The following PHF21A variants were observed in gnomAD, a reference collection of about 807,000 sequenced individuals.
The protein encoded by PHF21A is PHD finger protein 21A.
In PHF21A, 11 loss-of-function variants were observed where a neutral mutation model predicts 82.5. The ratio of observed to expected loss-of-function variants is 0.13; its 90% confidence interval spans 0.08 to 0.22. The LOEUF is 0.22. Among genes scored for constraint, PHF21A ranks in the 10% least tolerant of loss-of-function variants. PHF21A has a pLI of 1.00. For synonymous variants in PHF21A, 297 were observed against 302.8 expected (o/e 0.98, Z 0.20); for missense variants, 579 against 837.8 (o/e 0.69, Z 3.81).
Position 46,076,224 on chromosome 11 carries a change from A to G in PHF21A, c.153+530T>C, listed in dbSNP as rs140445879. Among the ~76,000 whole-genome samples, 23 of 152,360 alleles carry G rather than the reference A, an allele frequency of 1.5e-4. 1 individual carries two copies. The East Asian group carries it at 4.2e-3, about 28-fold the overall frequency. Reference sequence around the variant, plus strand: ...AAGATGTTCTTCTCCTGCCCTATATAGAATAAGTCTAATAACATTTCACCG... The same window carrying G: ...AAGATGTTCTTCTCCTGCCCTATATGGAATAAGTCTAATAACATTTCACCG... On this transcript the variant is annotated intron_variant, in intron 6 of 18. Coordinates refer to ENST00000676320, the MANE Select transcript of PHF21A (RefSeq NM_001352027.3).
At chr11:46,060,887 TG>T (rs1371054051) in intron 6 of PHF21A, among the ~76,000 whole-genome samples, 1 of 152,272 alleles carries the variant, frequency 6.6e-6, no homozygotes, top group East Asian at 1.9e-4. Context: ...TCTGTGCCCA[TG>T]CTTATGTCCT....
At chr11:46,099,670 C>T (rs2097064109) in intron 1 of PHF21A, among the ~76,000 whole-genome samples, 1 of 151,868 alleles carries the variant, frequency 6.6e-6, no homozygotes, top group African/African-American at 2.4e-5. Flanking sequence ...TAGGCCTTAC[C>T]GAAGAAGTGA....
intron 6 of PHF21A, among the ~76,000 whole-genome samples, chr11:46,013,916 G>A (rs1417741675): frequency 2.6e-5 from 4 of 152,146 alleles, no homozygotes; most frequent in African/African-American, 4.8e-5. Context: ...GTTAGTAAAT[G>A]TGAAAGCCTA....
intron 11 of PHF21A, among the ~76,000 whole-genome samples, chr11:45,950,863 T>C (rs2092012773): frequency 6.6e-6 from 1 of 152,196 alleles, no homozygotes; most frequent in African/African-American, 2.4e-5. Context: ...ACTAGGTCAG[T>C]TTCTCACATT....
chr11:46,011,596 C>T (rs1311845349), intron 6 of PHF21A, among the ~76,000 whole-genome samples: 1 of 152,176 alleles, frequency 6.6e-6, no homozygotes, highest in Non-Finnish European at 1.5e-5. Context: ...ACATGTCCCA[C>T]TTGGTGGTAC....
At chr11:46,015,491 TC>T (rs2095498820) in intron 6 of PHF21A, among the ~76,000 whole-genome samples, 1 of 152,146 alleles carries the variant, frequency 6.6e-6, no homozygotes, top group Non-Finnish European at 1.5e-5. Flanking sequence ...AAAATTTATT[TC>T]TTCAATAATA....
At chr11:46,071,763 C>T (rs1214129100) in intron 6 of PHF21A, among the ~76,000 whole-genome samples, 1 of 150,974 alleles carries the variant, frequency 6.6e-6, no homozygotes, top group Middle Eastern at 3.2e-3. Context: ...ACCCTATCAT[C>T]AAGAGAAGAA....
chr11:46,072,654 G>A (rs574719468), intron 6 of PHF21A, among the ~76,000 whole-genome samples: 45 of 152,338 alleles, frequency 3.0e-4, no homozygotes, highest in African/African-American at 1.1e-3. Flanking sequence ...ATGGTTCAAT[G>A]TGAGATAATA....
At position 45,929,569 on chromosome 11, in the gene PHF21A, C is replaced by T. The variant is rs1434652344; in HGVS notation, c.*4399G>A. ...TGGCTGACCTCTGGCCTGCCCGTCC[C>T]ATCCCGCCTGACTGCAGCTCACCCT... is the stretch of plus-strand genomic sequence containing the variant. On this transcript the variant is annotated 3_prime_UTR_variant, in exon 19 of 19. Coordinates refer to ENST00000676320, the MANE Select transcript of PHF21A (RefSeq NM_001352027.3). The T allele has an allele frequency of 6.5e-6, 1 of 152,848 alleles. No homozygotes were observed. Among genetic ancestry groups the T allele is most frequent in the Non-Finnish European group, 1.5e-5 (1 of 68,628 alleles). The allele number at this position is 152,848 out of a possible 1,614,324, so 9.5% of individuals were successfully genotyped here. A position where few individuals can be genotyped will look rare whatever the true frequency, so the allele number is the denominator to read the frequency against.
At position 45,930,662 on chromosome 11, in the gene PHF21A, G is replaced by A. The variant is rs1030106508; in HGVS notation, c.*3306C>T. ...GACAGGAGCTGGCAGGGGACTCCCA[G>A]TCATCACTGCCACCAGGGCGCAGCG... On this transcript the variant is annotated 3_prime_UTR_variant, in exon 19 of 19. Coordinates refer to ENST00000676320, the MANE Select transcript of PHF21A (RefSeq NM_001352027.3). 1 of 152,414 alleles carries A rather than the reference G, an allele frequency of 6.6e-6. No individual in the cohort carries two copies. The highest frequency in any genetic ancestry group is 1.5e-5 in the Non-Finnish European group (1 of 68,182). 9.4% of individuals were successfully genotyped at this position (152,414 alleles called of 1,614,324 possible).
chr11:46,093,649 G>C (rs937201289), intron 1 of PHF21A, among the ~76,000 whole-genome samples: 1 of 152,098 alleles, frequency 6.6e-6, no homozygotes, highest in Non-Finnish European at 1.5e-5. Flanking sequence ...ATATCTACAG[G>C]ACTCTGTGCC....
intron 6 of PHF21A, among the ~76,000 whole-genome samples, chr11:45,980,927 G>C (rs750041794): frequency 6.6e-6 from 1 of 152,142 alleles, no homozygotes; most frequent in African/African-American, 2.4e-5. Context: ...ATTTAACTGC[G>C]TGGAGTGAAA....
intron 6 of PHF21A, among the ~76,000 whole-genome samples, chr11:46,007,626 TTA>T: frequency 6.6e-6 from 1 of 152,188 alleles, no homozygotes; most frequent in Non-Finnish European, 1.5e-5. Flanking sequence ...CATCTATCTT[TTA>T]TGATAGTTTT....
At chr11:45,974,418 A>AATT (rs59807950) in intron 7 of PHF21A, among the ~76,000 whole-genome samples, 9,550 of 147,254 alleles carry the variant, frequency 0.065, 369 homozygotes, top group Middle Eastern at 0.12. Context: ...TCAAACGACA[A>AATT]ATTATTATTA....
intron 1 of PHF21A, among the ~76,000 whole-genome samples, chr11:46,102,584 T>C (rs1031719272): frequency 6.6e-6 from 1 of 152,244 alleles, no homozygotes; most frequent in Non-Finnish European, 1.5e-5. Context: ...GAGAGCAGTC[T>C]AATAAATTAA....
At chr11:46,114,807 T>C (rs2097267956) in intron 1 of PHF21A, among the ~76,000 whole-genome samples, 1 of 152,128 alleles carries the variant, frequency 6.6e-6, no homozygotes, top group South Asian at 2.1e-4. Context: ...AGAAAAAAAA[T>C]CAATTCCTTT....
rs1452859819 is a variant in PHF21A, at chr11:45,971,905, T to TTTTTTTTTTTTA, written c.361-539_361-538insTAAAAAAAAAAA. On this transcript the variant is annotated intron_variant, in intron 7 of 18. Coordinates refer to ENST00000676320, the MANE Select transcript of PHF21A (RefSeq NM_001352027.3). ...CTTTTTCTTTCTTTTTTTTTTTTTT[T>TTTTTTTTTTTTA]ATGGTGTCACCCTGGAGAGAAGGAA... Among the ~76,000 whole-genome samples, 31 of 89,952 alleles carry TTTTTTTTTTTTA rather than the reference T, an allele frequency of 3.4e-4. 2 individuals are homozygous for TTTTTTTTTTTTA. Among genetic ancestry groups the TTTTTTTTTTTTA allele is most frequent in the East Asian group, 1.5e-3 (2 of 1,338 alleles). 59.0% of individuals were successfully genotyped at this position (89,952 alleles called of 152,430 possible).
intron 15 of PHF21A, among the ~76,000 whole-genome samples, chr11:45,944,908 A>T (rs2091055806): frequency 6.6e-6 from 1 of 152,196 alleles, no homozygotes; most frequent in Non-Finnish European, 1.5e-5. Flanking sequence ...CTGGGATTAC[A>T]GGAGCACGCC....
At chr11:46,081,254 A>G (rs1367746685) in intron 4 of PHF21A, among the ~76,000 whole-genome samples, 4 of 152,206 alleles carry the variant, frequency 2.6e-5, no homozygotes, top group African/African-American at 9.6e-5. Context: ...TTCATACTTA[A>G]TGGTAGTAGC....
Sources: allele counts gnomAD v4.1 joint callset (sites outside exome capture counted in the v4.1 genomes callset), GRCh38; gene constraint gnomAD v4.1.1; transcripts MANE v1.5; gene names NCBI Gene and HGNC (gene_info 2026-07-23, HGNC 2026-07-21).